The following NAV1 variants were observed in gnomAD, a reference collection of about 807,000 sequenced individuals.
The protein encoded by NAV1 is pore membrane and/or filament interacting like protein 3.
Under a neutral mutation model 175.2 loss-of-function variants are expected in NAV1, and 18 were observed. That is an observed-to-expected ratio of 0.10 (90% confidence interval 0.07 to 0.15). NAV1 has a LOEUF of 0.15. Among genes scored for constraint, NAV1 ranks in the 10% least tolerant of loss-of-function variants. The probability of loss-of-function intolerance (pLI) is 1.00; values close to 1 mark genes in which losing one functional copy is unlikely to be tolerated. For synonymous variants in NAV1, 897 were observed against 978.7 expected (o/e 0.92, Z 1.56); for missense variants, 1,731 against 2,436.6 (o/e 0.71, Z 6.10).
intron 1 of NAV1, among the ~76,000 whole-genome samples, chr1:201,700,618 A>C (rs1012606902): frequency 5.3e-5 from 8 of 152,232 alleles, no homozygotes; most frequent in African/African-American, 1.9e-4. Context: ...TCATGCTACT[A>C]TAAAGACACA....
chr1:201,632,793 T>C (rs997997906), intron 2 of NAV1, among the ~76,000 whole-genome samples: 1 of 152,262 alleles, frequency 6.6e-6, no homozygotes, highest in African/African-American at 2.4e-5. Flanking sequence ...GAGTTTGGCC[T>C]CATACTAGGG....
chr1:201,788,788 C>A lies in NAV1; in HGVS notation c.3166+150C>A. On this transcript the variant is annotated intron_variant, in intron 10 of 29. Coordinates refer to ENST00000367296, the Ensembl canonical transcript of NAV1. This position sits in a 1 kb window ranked among gnomAD's most constrained non-coding sequence, Gnocchi z 5.7. ...CCATTTCAGTTTTTTCTCCCCATCCCTTTGAAGGGTCTGGGGACCCAGAAA... is the reference window on the plus strand; with the variant it reads ...CCATTTCAGTTTTTTCTCCCCATCCATTTGAAGGGTCTGGGGACCCAGAAA... The A allele has an allele frequency of 1.1e-6, 1 of 944,830 alleles. No homozygotes were observed. The highest frequency in any genetic ancestry group is 2.7e-5 in the East Asian group (1 of 37,206). 58.5% of individuals were successfully genotyped at this position (944,830 alleles called of 1,614,324 possible). A position where few individuals can be genotyped will look rare whatever the true frequency, so the allele number is the denominator to read the frequency against.
intron 2 of NAV1, among the ~76,000 whole-genome samples, chr1:201,636,988 G>A (rs495198): frequency 0.81 from 123,106 of 152,212 alleles, 49,971 homozygotes; most frequent in Admixed American, 0.87. Context: ...CACCTATCAC[G>A]CCAATGAATA....
chr1:201,757,245 GTTTC>G (rs1361698610), intron 3 of NAV1, among the ~76,000 whole-genome samples: 3 of 152,140 alleles, frequency 2.0e-5, no homozygotes, highest in Non-Finnish European at 2.9e-5. Flanking sequence ...GCTTCTTTCA[GTTTC>G]TTTCTTTTTT....
exon 29 of NAV1, chr1:201,817,156 A>C (rs780497064): frequency 1.2e-6 from 2 of 1,614,178 alleles, no homozygotes; most frequent in South Asian, 2.2e-5. Context: ...CCTGGCCATC[A>C]GCCCAACAAG....
At chr1:201,693,124 G>T (rs1264874224) in intron 1 of NAV1, among the ~76,000 whole-genome samples, 1 of 152,200 alleles carries the variant, frequency 6.6e-6, no homozygotes, top group African/African-American at 2.4e-5. Context: ...CCCAGGGGAT[G>T]CATTTGTTTA....
chr1:201,807,731 G>C lies in NAV1; in HGVS notation c.3649-222G>C, dbSNP rs1174207408. Among the ~76,000 whole-genome samples, 1 of 152,118 alleles carries C rather than the reference G, an allele frequency of 6.6e-6. No individual in the cohort carries two copies. Among genetic ancestry groups the C allele is most frequent in the South Asian group, 2.1e-4 (1 of 4,834 alleles). ...CTCTGTTGCCAGGCTGGAGTGCAGT[G>C]GCTCGATCTCAGCTCACTGCAACCT... On this transcript the variant is annotated intron_variant, in intron 17 of 29. Coordinates refer to ENST00000367296, the Ensembl canonical transcript of NAV1. This position sits in a 1 kb window ranked among gnomAD's most constrained non-coding sequence, Gnocchi z 5.4.
intron 3 of NAV1, among the ~76,000 whole-genome samples, chr1:201,769,709 C>A (rs1451692351): frequency 6.6e-6 from 1 of 152,024 alleles, no homozygotes; most frequent in African/African-American, 2.4e-5. Context: ...ATCCCCTAGG[C>A]TTCCAATTCC....
chr1:201,798,695 CTTTTTTTTTTTTT>C (rs764483919), intron 15 of NAV1: 3 of 69,476 alleles, frequency 4.3e-5, no homozygotes, highest in Non-Finnish European at 7.2e-5. Context: ...TTTTCTCTCT[CTTTTTTTTTTTTT>C]TTTTTTTTTT....
chr1:201,649,554 T>C (rs1171737413), intron 1 of NAV1, 129 bp downstream of exon 5: 2 of 1,386,174 alleles, frequency 1.4e-6, no homozygotes, highest in South Asian at 1.5e-5. Context: ...ACGATCAGGC[T>C]GTGATGGGCA....
intron 1 of NAV1, among the ~76,000 whole-genome samples, chr1:201,550,265 G>A (rs1016178922): frequency 6.6e-6 from 1 of 152,040 alleles, no homozygotes; most frequent in East Asian, 1.9e-4. Flanking sequence ...TTGACTTCCA[G>A]GGCTCAAGTG....
Position 201,606,043 on chromosome 1 carries a change from G to A in NAV1, c.-32-16810G>A, listed in dbSNP as rs114512033. 5.7e-3 allele frequency among the ~76,000 whole-genome samples: 862 copies of A among 152,320 alleles called. 6 individuals carry two copies. Among genetic ancestry groups the A allele is most frequent in the African/African-American group, 0.019 (781 of 41,578 alleles). ...TGCGTGGGCTTGTGTTCACAATGGG[G>A]ACCCTGGCTCTTTCATTCACAGCCT... is the stretch of plus-strand genomic sequence containing the variant. On this transcript the variant is annotated intron_variant, in intron 2 of 33. Coordinates refer to the NAV1 transcript ENST00000685211.
chr1:201,782,666 T>A lies in NAV1; in HGVS notation c.2154T>A (p.Pro718=), dbSNP rs778028265. 4.7e-5 allele frequency: 76 copies of A among 1,613,964 alleles called. No homozygotes were observed. The highest frequency in any genetic ancestry group is 6.2e-5 in the Non-Finnish European group (73 of 1,180,010). The change falls in exon 6 of 30, where the codon CCT becomes CCA. Residue 718 remains proline (P), a synonymous_variant. Transcript: ENST00000367296. The surrounding 1 kb of genome is among the most constrained non-coding windows in gnomAD (Gnocchi z 5.4). The stretch of plus-strand genomic sequence containing the variant: ...TTACGCCTTCCAGACTGAAGGAGCC[T>A]ACCAAGGTAGCCAGTGGGCGGACCA...
chr1:201,709,010 G>T (rs1049740050), intron 1 of NAV1, among the ~76,000 whole-genome samples: 2 of 152,044 alleles, frequency 1.3e-5, no homozygotes. Flanking sequence ...TTAGCCAGGC[G>T]TGATGGGGCA....
chr1:201,596,491 GGACT>G (rs1414466624), intron 2 of NAV1, among the ~76,000 whole-genome samples: 5 of 152,190 alleles, frequency 3.3e-5, no homozygotes, highest in African/African-American at 1.2e-4. Flanking sequence ...CTCATGGGCT[GGACT>G]TTCAAAGAAC....
In NAV1 at chr1:201,734,018, A is replaced by G. The variant is rs548764556; in HGVS notation, c.1226+15263A>G. Among the ~76,000 whole-genome samples, 86 of 152,300 alleles carry G rather than the reference A, an allele frequency of 5.6e-4. 1 individual carries two copies. Among genetic ancestry groups the G allele is most frequent in the Admixed American group, 5.6e-3 (86 of 15,304 alleles). On this transcript the variant is annotated intron_variant, in intron 3 of 29. Coordinates refer to ENST00000367296, the Ensembl canonical transcript of NAV1. ...AGGGACACCAGGGGAACCAGGAAGC[A>G]TGGAAGGGAGACTGCTGCAGTTAGC... is the stretch of plus-strand genomic sequence containing the variant.
upstream of NAV1, among the ~76,000 whole-genome samples, chr1:201,644,790 G>A (rs1232154361): frequency 6.6e-6 from 1 of 152,130 alleles, no homozygotes; most frequent in Non-Finnish European, 1.5e-5. Flanking sequence ...TTGAAGGAAG[G>A]GAAAGGACTT....
intron 1 of NAV1, among the ~76,000 whole-genome samples, chr1:201,667,503 G>A (rs1173867392): frequency 6.6e-6 from 1 of 152,246 alleles, no homozygotes; most frequent in African/African-American, 2.4e-5. Context: ...CCACCCAGCC[G>A]GTGAGTGGCA....
At chr1:201,577,053 C>T (rs572709315) in intron 1 of NAV1, among the ~76,000 whole-genome samples, 1 of 152,224 alleles carries the variant, frequency 6.6e-6, no homozygotes, top group African/African-American at 2.4e-5. Flanking sequence ...TGCAGTGGTG[C>T]CATCACAGCT....
Sources: gnomAD v4.1 joint callset for allele counts (sites outside exome capture counted in the v4.1 genomes callset) on GRCh38, gnomAD v4.1.1 for gene constraint, Gnocchi (gnomAD v3.1) non-coding constraint, MANE v1.5 for transcripts, NCBI Gene and HGNC (gene_info 2026-07-23, HGNC 2026-07-21) for gene names.